CUZD1: variants seen among roughly 807,000 people sequenced by gnomAD.
The protein encoded by CUZD1 is CUB and zona pellucida-like domain-containing protein 1.
CUZD1 carries 42 observed loss-of-function variants against 53.1 expected under a neutral mutation model. The ratio of observed to expected loss-of-function variants is 0.79; its 90% confidence interval spans 0.62 to 1.02. The LOEUF (loss-of-function observed/expected upper bound fraction) is 1.02. CUZD1 is among the 50% of genes least tolerant of loss of function. CUZD1 has a pLI of 0.00. For synonymous variants in CUZD1, 238 were observed against 257.2 expected (o/e 0.93, Z 0.71); for missense variants, 670 against 715.7 (o/e 0.94, Z 0.73).
At chr10:122,839,914 C>T (rs1847311355) in intron 2 of CUZD1, among the ~76,000 whole-genome samples, 1 of 149,672 alleles carries the variant, frequency 6.7e-6, no homozygotes, top group Admixed American at 6.6e-5. Context: ...GTGATTTAAC[C>T]TTTCTTGGCT....
chr10:122,834,717 T>G lies in CUZD1; in HGVS notation c.1371A>C (p.Leu457=). The G allele has an allele frequency of 1.3e-6, 2 of 1,599,316 alleles. No individual in the cohort carries two copies. Among genetic ancestry groups the G allele is most frequent in the Non-Finnish European group, 1.7e-6 (2 of 1,171,988 alleles). Residue 457 remains leucine (L), a synonymous_variant, in exon 7 of 9, where the codon CTA becomes CTC. Transcript: ENST00000392790. ...TSDFASPTYD[L]IKSGCSRDET... is the part of the protein sequence containing the mutation. Reference sequence around the variant, plus strand: ...ACATTAATACATACCCACTCTTGATTAGGTCGTAGGTTGGAGATGCAAAGT... The same window carrying G: ...ACATTAATACATACCCACTCTTGATGAGGTCGTAGGTTGGAGATGCAAAGT...
intron 1 of CUZD1, among the ~76,000 whole-genome samples, chr10:122,843,806 C>CATATATATAT (rs1376406613): frequency 2.3e-5 from 3 of 127,946 alleles, no homozygotes; most frequent in African/African-American, 1.0e-4. Flanking sequence ...CATATATATA[C>CATATATATAT]ATACATATAT....
chr10:122,844,030 A>C (rs975237715), intron 1 of CUZD1, among the ~76,000 whole-genome samples: 1 of 149,158 alleles, frequency 6.7e-6, no homozygotes, highest in Non-Finnish European at 1.5e-5. Context: ...AAATATATAT[A>C]TATATAGAGA....
chr10:122,834,903 G>A lies in CUZD1; in HGVS notation c.1185C>T (p.Thr395=), dbSNP rs1847223918. The change falls in exon 7 of 9, where the codon ACC becomes ACT. Residue 395 remains threonine, a synonymous_variant. Coordinates refer to ENST00000392790, the MANE Select transcript of CUZD1 (RefSeq NM_022034.6). ...AATTGGATTCAAAAAGAGCCATGCTGGTGTTATATTTGCCCAGTGCATTTT... is the reference window on the plus strand; with the variant it reads ...AATTGGATTCAAAAAGAGCCATGCTAGTGTTATATTTGCCCAGTGCATTTT... ...QSQNALGKYN[T]SMALFESNSF... 1 of 1,613,380 alleles carries A rather than the reference G, an allele frequency of 6.2e-7. No individual in the cohort carries two copies.
In CUZD1 at chr10:122,839,003, A is replaced by G. The variant is rs756148978; in HGVS notation, c.448+14T>C. 4.5e-5 allele frequency: 72 copies of G among 1,599,724 alleles called. No homozygotes were observed. The highest frequency in any genetic ancestry group is 5.8e-5 in the Non-Finnish European group (68 of 1,167,186). On this transcript the variant is annotated intron_variant, in intron 3 of 8. Transcript: ENST00000392790. The stretch of plus-strand genomic sequence containing the variant: ...TAGGAGATGTGGGTGAAGGTTGTGT[A>G]AATGAGGACTTACAGATGTTAGGAG...
rs766165389 is a variant in CUZD1, at chr10:122,839,158, G to A, written c.307C>T (p.Leu103=). Residue 103 remains leucine, a synonymous_variant, in exon 3 of 9, where the codon CTA becomes TTA. Transcript: ENST00000392790. ...TCGTTTTTACTGCAGACTTGCCCTA[G>A]CAGAGGCCCATTGCTGGAGGTTCCG... ...FDGTSSNGPL[L]GQVCSKNDYV... 7.4e-6 allele frequency: 12 copies of A among 1,614,008 alleles called. No individual in the cohort carries two copies. The highest frequency in any genetic ancestry group is 1.0e-5 in the Non-Finnish European group (12 of 1,179,984).
In CUZD1 at chr10:122,832,238, T is replaced by A. The variant is rs1370998998; in HGVS notation, c.*40A>T. The A allele has an allele frequency of 6.2e-7, 1 of 1,602,518 alleles. No individual in the cohort carries two copies. The highest frequency in any genetic ancestry group is 8.5e-7 in the Non-Finnish European group (1 of 1,171,318). ...CCACGAGGTAGCATTTCCTTTGGCATCCTGGAGAAACATGTCTCACTTAGG... is the reference window on the plus strand; with the variant it reads ...CCACGAGGTAGCATTTCCTTTGGCAACCTGGAGAAACATGTCTCACTTAGG... On this transcript the variant is annotated 3_prime_UTR_variant, in exon 9 of 9. Coordinates refer to ENST00000392790, the MANE Select transcript of CUZD1 (RefSeq NM_022034.6).
chr10:122,836,923 G>C lies in CUZD1; in HGVS notation c.725C>G (p.Ser242Cys), dbSNP rs1405402944. 1.2e-6 allele frequency: 2 copies of C among 1,614,008 alleles called. No individual in the cohort carries two copies. Among genetic ancestry groups the C allele is most frequent in the Non-Finnish European group, 1.7e-6 (2 of 1,179,994 alleles). The change falls in exon 5 of 9, where the codon TCT (serine) becomes TGT (cysteine). Residue 242 changes from serine (S) to cysteine (C), a missense_variant. Physicochemically the swap from Ser to Cys is moderately radical, Grantham distance 112. Coordinates refer to ENST00000392790, the MANE Select transcript of CUZD1 (RefSeq NM_022034.6). ...VTPTFESSSN[S>C]LTVVLSTDYA... The stretch of plus-strand genomic sequence containing the variant: ...ATCTGTAGACAACACGACAGTCAGA[G>C]AGTTTGATGACGATTCGAAGGTGGG...
intron 6 of CUZD1, among the ~76,000 whole-genome samples, chr10:122,835,672 C>A (rs1367670375): frequency 6.6e-6 from 1 of 152,062 alleles, no homozygotes; most frequent in Admixed American, 6.5e-5. Flanking sequence ...CCTAAAGAGA[C>A]CAAAGGTTGA....
At chr10:122,837,251 A>T (rs771519357) in intron 4 of CUZD1, among the ~76,000 whole-genome samples, 153 bp downstream of exon 4, 1 of 152,202 alleles carries the variant, frequency 6.6e-6, no homozygotes, top group Non-Finnish European at 1.5e-5. Context: ...ACTTAGTTCA[A>T]TGGAATAGTA....
chr10:122,836,372 A>G (rs764017829), intron 5 of CUZD1, 22 bp from the exon 6 acceptor site: 7 of 1,512,634 alleles, frequency 4.6e-6, no homozygotes, highest in East Asian at 2.3e-5. Flanking sequence ...AAAAAAAAAA[A>G]AAGAATGGTC....
chr10:122,834,799 G>T lies in CUZD1; in HGVS notation c.1289C>A (p.Thr430Asn), dbSNP rs776161317. 6.2e-7 allele frequency: 1 copy of T among 1,613,820 alleles called. No individual in the cohort carries two copies. The highest frequency in any genetic ancestry group is 1.1e-5 in the South Asian group (1 of 91,050). Residue 430 changes from threonine to asparagine, a missense_variant, in exon 7 of 9, where the codon ACC becomes AAC. Thr to Asn is a moderately conservative substitution (Grantham distance 65). Coordinates refer to ENST00000392790, the MANE Select transcript of CUZD1 (RefSeq NM_022034.6). The stretch of plus-strand genomic sequence containing the variant: ...AAACACCACCAAATTTGGATCTGAG[G>T]TGTGCAGACTAACTTGAACAAAAAG... ...QTLFVQVSLHTSDPNLVVFLD... is the reference protein window; with the variant it reads ...QTLFVQVSLHNSDPNLVVFLD...
At chr10:122,838,250 G>A (rs188087212) in intron 3 of CUZD1, among the ~76,000 whole-genome samples, 138 of 152,308 alleles carry the variant, frequency 9.1e-4, no homozygotes, top group African/African-American at 2.7e-3. Context: ...TGGGTCCAGC[G>A]TGGGAAAACC....
rs772196100 is a variant in CUZD1 at position 122,833,692 on chromosome 10, C to T, written c.1631G>A (p.Arg544Gln). 1.8e-5 allele frequency: 29 copies of T among 1,613,354 alleles called. No homozygotes were observed. The highest frequency in any genetic ancestry group is 4.5e-5 in the East Asian group (2 of 44,868). ...CTTACCTGAATTGCCACTTGCACTT[C>T]GATCCCTTTTCAGACGAATGGGTCC... ...IIGPIRLKRD[R>Q]SASGNSGFQH... Residue 544 changes from arginine (R) to glutamine (Q), a missense_variant, in exon 8 of 9, where the codon CGA becomes CAA. By Grantham distance (43) the Arg-to-Gln change is conservative. Coordinates refer to ENST00000392790, the MANE Select transcript of CUZD1 (RefSeq NM_022034.6).
In CUZD1 at chr10:122,835,011, G is replaced by A; in HGVS notation, c.1077C>T (p.Leu359=). The A allele has an allele frequency of 1.2e-6, 2 of 1,613,480 alleles. No homozygotes were observed. The highest frequency in any genetic ancestry group is 1.7e-6 in the Non-Finnish European group (2 of 1,179,612). The change falls in exon 7 of 9, where the codon CTC becomes CTT. Residue 359 remains leucine, a synonymous_variant. Transcript: ENST00000392790. ...CCATTTCACACTTCACAATAATCTG[G>A]AGTTGTTTCTGACGGGTGATCACTT... The part of the protein sequence containing the change: ...TSEVITRQKQ[L]QIIVKCEMGH...
chr10:122,836,379 G>T, intron 5 of CUZD1, 29 bp from the exon 6 acceptor site: 2 of 1,456,200 alleles, frequency 1.4e-6, no homozygotes, highest in East Asian at 2.4e-5. Flanking sequence ...AAAAAAGAAT[G>T]GTCATGTTTA....
At chr10:122,839,737 C>A (rs901746750) in intron 2 of CUZD1, among the ~76,000 whole-genome samples, 9 of 152,298 alleles carry the variant, frequency 5.9e-5, no homozygotes, top group African/African-American at 2.2e-4. Context: ...CCATGCCCTG[C>A]ACTGGACAGG....
chr10:122,836,107 A>G (rs1476621697), intron 6 of CUZD1, 71 bp downstream of exon 6: 2 of 1,405,056 alleles, frequency 1.4e-6, no homozygotes, highest in Admixed American at 2.4e-5. Context: ...GCTAGCAAGC[A>G]TTACCCTGAC....
At chr10:122,835,635 T>C (rs538583748) in intron 6 of CUZD1, among the ~76,000 whole-genome samples, 1 of 152,330 alleles carries the variant, frequency 6.6e-6, no homozygotes, top group Non-Finnish European at 1.5e-5. Flanking sequence ...CTGTTTAATG[T>C]CTGAGTGAAA....
Sources: gnomAD v4.1 joint callset for allele counts (sites outside exome capture counted in the v4.1 genomes callset) on GRCh38, gnomAD v4.1.1 for gene constraint, MANE v1.5 for transcripts, NCBI Gene and HGNC (gene_info 2026-07-23, HGNC 2026-07-21) for gene names.